The following GMDS variants were observed in gnomAD, a reference collection of about 807,000 sequenced individuals.
The protein encoded by GMDS is GDP-mannose 4,6 dehydratase.
A neutral mutation model predicts 49.9 loss-of-function variants in GMDS; 20 were observed. The observed-to-expected ratio is 0.40, with a 90% CI of 0.28 to 0.58. The LOEUF (loss-of-function observed/expected upper bound fraction) is 0.58. Among genes scored for constraint, GMDS ranks in the 20% least tolerant of loss-of-function variants. The pLI is 0.42. For missense variants in GMDS, 362 were observed against 481.4 expected, an observed-to-expected ratio of 0.75 and a Z score of 2.32; for synonymous variants, 177 against 178.6, an observed-to-expected ratio of 0.99 and a Z score of 0.07.
At chr6:2,128,886 G>C (rs1775589635) in intron 1 of GMDS, among the ~76,000 whole-genome samples, 1 of 152,174 alleles carries the variant, frequency 6.6e-6, no homozygotes, top group African/African-American at 2.4e-5. Context: ...GGGTTTTTGG[G>C]GGACTGGCAC....
chr6:2,058,278 G>C (rs1770894287), intron 4 of GMDS, among the ~76,000 whole-genome samples: 1 of 150,056 alleles, frequency 6.7e-6, no homozygotes, highest in Non-Finnish European at 1.5e-5. Flanking sequence ...CTGGGAGGCA[G>C]AGGTTGCAGT....
chr6:2,162,087 T>C (rs140008453), intron 1 of GMDS, among the ~76,000 whole-genome samples: 5 of 152,338 alleles, frequency 3.3e-5, no homozygotes, highest in African/African-American at 1.2e-4. Context: ...CTATGCTTGA[T>C]AAGGTCACTG....
intron 9 of GMDS, among the ~76,000 whole-genome samples, chr6:1,726,138 T>C (rs921823711): frequency 6.6e-6 from 1 of 152,216 alleles, no homozygotes; most frequent in African/African-American, 2.4e-5. Flanking sequence ...GAGACCAACA[T>C]GAGGAGATCT....
chr6:1,863,960 C>T (rs1758322027), intron 7 of GMDS, among the ~76,000 whole-genome samples: 1 of 151,844 alleles, frequency 6.6e-6, no homozygotes, highest in Admixed American at 6.6e-5. Flanking sequence ...ACAAATTAGC[C>T]AATAAACCAG....
intron 7 of GMDS, among the ~76,000 whole-genome samples, chr6:1,889,820 T>A (rs543150804): frequency 6.6e-6 from 1 of 152,216 alleles, no homozygotes; most frequent in African/African-American, 2.4e-5. Flanking sequence ...TCAGTGTCTA[T>A]GGATTCTTGT....
rs560586988 is a variant in GMDS, at chr6:1,951,969, T to A, written c.643+7898A>T. ...CCCACTCAGTGTCACAGGGGTTTCT[T>A]TGCTCAAGTTCAACTCTAAAATTCG... On this transcript the variant is annotated intron_variant, in intron 6 of 10. Coordinates refer to ENST00000380815, the MANE Select transcript of GMDS (RefSeq NM_001500.4). 3.1e-6 allele frequency: 3 copies of A among 983,094 alleles called. No homozygotes were observed. In the East Asian group the frequency reaches 3.4e-4, roughly 112 times the overall value. The allele number at this position is 983,094 out of a possible 1,614,324, so 60.9% of individuals were successfully genotyped here.
chr6:2,228,438 T>C (rs2127593527), intron 1 of GMDS, among the ~76,000 whole-genome samples: 1 of 152,264 alleles, frequency 6.6e-6, no homozygotes, highest in Non-Finnish European at 1.5e-5. Flanking sequence ...TTTAAACAGG[T>C]AAAACTGCTT....
chr6:1,937,900 C>T (rs779369799), intron 6 of GMDS, among the ~76,000 whole-genome samples: 13 of 152,220 alleles, frequency 8.5e-5, no homozygotes, highest in African/African-American at 2.2e-4. Flanking sequence ...AGGCTAGGTG[C>T]GGTGGCTCAT....
At position 1,921,490 on chromosome 6, in the gene GMDS, TCTTAA is replaced by T. The variant is rs1466312796; in HGVS notation, c.771+8608_771+8612del. 2.0e-5 allele frequency among the ~76,000 whole-genome samples: 3 copies of T among 152,324 alleles called. No individual in the cohort carries two copies. The East Asian group carries it at 5.8e-4, about 29-fold the overall frequency. On this transcript the variant is annotated intron_variant, in intron 7 of 10. Transcript: ENST00000380815. ...ACAGGCAATTGATTTTCTACATTTT[TCTTAA>T]CTTATTTTAAATAATACACTGAAAA...
At chr6:1,998,567 T>C (rs1340710747) in intron 4 of GMDS, among the ~76,000 whole-genome samples, 2 of 152,184 alleles carry the variant, frequency 1.3e-5, no homozygotes, top group Non-Finnish European at 2.9e-5. Flanking sequence ...CAGCTGCAGA[T>C]TCAATCAACC....
At chr6:1,749,588 CAA>C (rs3039696) in intron 7 of GMDS, among the ~76,000 whole-genome samples, 62,297 of 147,902 alleles carry the variant, frequency 0.42, 13,526 homozygotes, top group East Asian at 0.6. Flanking sequence ...GACTTTATCT[CAA>C]AAAAAAAAAA....
intron 1 of GMDS, among the ~76,000 whole-genome samples, chr6:2,201,146 G>GT: frequency 7.2e-6 from 1 of 139,738 alleles, no homozygotes; most frequent in Non-Finnish European, 1.6e-5. Flanking sequence ...CATCCGAGAT[G>GT]AAACCATCTA....
At chr6:2,059,575 G>A (rs530661038) in intron 4 of GMDS, among the ~76,000 whole-genome samples, 39 of 147,704 alleles carry the variant, frequency 2.6e-4, no homozygotes, top group South Asian at 1.6e-3. Flanking sequence ...GGGCGTGGTA[G>A]CGGGCGCCTG....
At chr6:2,183,239 A>C (rs150888203) in intron 1 of GMDS, among the ~76,000 whole-genome samples, 24 of 152,352 alleles carry the variant, frequency 1.6e-4, no homozygotes, top group African/African-American at 5.8e-4. Flanking sequence ...ATGGAATGAA[A>C]ATCTTCTAGA....
At chr6:1,904,351 A>C (rs781036768) in intron 7 of GMDS, among the ~76,000 whole-genome samples, 2 of 152,196 alleles carry the variant, frequency 1.3e-5, no homozygotes, top group Non-Finnish European at 2.9e-5. Flanking sequence ...TCTCATTTGC[A>C]TTCGGGGGCT....
intron 7 of GMDS, among the ~76,000 whole-genome samples, chr6:1,822,413 C>G (rs570053245): frequency 2.0e-5 from 3 of 152,114 alleles, no homozygotes; most frequent in East Asian, 1.9e-4. Flanking sequence ...ATTATTTTCA[C>G]AGGAAGTGAG....
chr6:1,934,865 G>A (rs1156915639), intron 6 of GMDS, among the ~76,000 whole-genome samples: 1 of 152,146 alleles, frequency 6.6e-6, no homozygotes. Context: ...AGTGAGAGGT[G>A]AAGAAAGAGA....
chr6:2,215,911 TATATA>T (rs950972688), intron 1 of GMDS, among the ~76,000 whole-genome samples: 5 of 152,174 alleles, frequency 3.3e-5, no homozygotes, highest in South Asian at 2.1e-4. Context: ...CAATTAAAGA[TATATA>T]ATATAATAAA....
chr6:1,839,235 T>C (rs1393670895), intron 7 of GMDS, among the ~76,000 whole-genome samples: 1 of 152,172 alleles, frequency 6.6e-6, no homozygotes, highest in African/African-American at 2.4e-5. Context: ...AAACAAGAAG[T>C]GAGCCAGGGG....
Sources: allele counts gnomAD v4.1 joint callset (sites outside exome capture counted in the v4.1 genomes callset), GRCh38; gene constraint gnomAD v4.1.1; transcripts MANE v1.5; gene names NCBI Gene and HGNC (gene_info 2026-07-23, HGNC 2026-07-21).